The following PLXNB1 variants were observed in gnomAD, a reference collection of about 807,000 sequenced individuals.
PLXNB1 encodes the protein plexin-B1.
PLXNB1 carries 106 observed loss-of-function variants against 209.4 expected under a neutral mutation model. The ratio of observed to expected loss-of-function variants is 0.51; its 90% CI spans 0.43 to 0.59. The LOEUF (loss-of-function observed/expected upper bound fraction) is 0.59. PLXNB1 is among the 20% of genes least tolerant of loss of function. PLXNB1 has a pLI of 0.00. For missense variants in PLXNB1, 2,357 were observed against 2,853.2 expected (o/e 0.83, Z 3.96); for synonymous variants, 1,167 against 1,183.2 (o/e 0.99, Z 0.28).
At position 48,415,599 on chromosome 3, in the gene PLXNB1, TG is replaced by T; in HGVS notation, c.3777del (p.Thr1260ProfsTer28). The T allele has an allele frequency of 6.3e-7, 1 of 1,581,954 alleles. No homozygotes were observed. The highest frequency in any genetic ancestry group is 8.6e-7 in the Non-Finnish European group (1 of 1,163,076). On this transcript the variant is annotated frameshift_variant, in exon 19 of 38. Transcript: ENST00000296440. LOFTEE classifies it high-confidence loss of function. The surrounding 1 kb of genome is among the most constrained non-coding windows in gnomAD (Gnocchi z 5.0). Reference protein sequence around the residue: ...TLDPNITSAGPTKSFLSGGRE... With the variant: ...TLDPNITSAGXTKSFLSGGRE... The stretch of plus-strand genomic sequence containing the variant: ...GCCCAACACCTGAGGAAGCTCTTGG[TG>T]GGGCCAGCAGAGGTGATGTTGGGGT...
At position 48,413,522 on chromosome 3, in the gene PLXNB1, A is replaced by T; in HGVS notation, c.4535+148T>A. On this transcript the variant is annotated intron_variant, in intron 23 of 37. Coordinates refer to ENST00000296440, the MANE Select transcript of PLXNB1 (RefSeq NM_001130082.3). The surrounding 1 kb of genome is among the most constrained non-coding windows in gnomAD (Gnocchi z 5.4). ...CACAGTGGCAAAGCTGAGTTGTTGAACAGAGACCACTTGGCCTGCAAAGCG... is the reference window on the plus strand; with the variant it reads ...CACAGTGGCAAAGCTGAGTTGTTGATCAGAGACCACTTGGCCTGCAAAGCG... 1 of 821,104 alleles carries T rather than the reference A, an allele frequency of 1.2e-6. No individual in the cohort carries two copies. The highest frequency in any genetic ancestry group is 1.9e-6 in the Non-Finnish European group (1 of 538,078). The allele number at this position is 821,104 out of a possible 1,614,324, so 50.9% of individuals were successfully genotyped here.
intron 26 of PLXNB1, 29 bp from the exon 27 acceptor site, chr3:48,412,333 G>A: frequency 6.2e-7 from 1 of 1,613,456 alleles, no homozygotes; most frequent in Non-Finnish European, 8.5e-7. Context: ...GGAGTGCCAG[G>A]GTCAGCAGGT....
At position 48,407,085 on chromosome 3, in the gene PLXNB1, G is replaced by A; in HGVS notation, c.6094C>T (p.Pro2032Ser). The change falls in exon 35 of 38, where the codon CCG becomes TCG. Residue 2032 changes from proline (P) to serine (S), a missense_variant. Physicochemically the swap from Pro to Ser is moderately conservative, Grantham distance 74 (BLOSUM62 -1). This residue lies in a region of PLXNB1 where 414 missense variants were observed against 520.5 expected (regional missense o/e 0.80). Coordinates refer to ENST00000296440, the MANE Select transcript of PLXNB1 (RefSeq NM_001130082.3). ...CGTGCATACAGAAGTTTGTTGATCG[G>A]GGAGTCCTGGACATAGCAGGAGGAC... ...LADHKLGRDS[P>S]INKLLYARDI... 6.2e-7 allele frequency: 1 copy of A among 1,614,016 alleles called. No homozygotes were observed. The highest frequency in any genetic ancestry group is 1.1e-5 in the South Asian group (1 of 91,074).
Position 48,418,828 on chromosome 3 carries a change from G to C in PLXNB1, c.2955+89C>G. ...GGCGACACGGTCAGAGCGTGGCTCT[G>C]GAAAGTGTGGTGCAGCCAGCTACAG... On this transcript the variant is annotated intron_variant, in intron 13 of 37. Coordinates refer to ENST00000296440, the MANE Select transcript of PLXNB1 (RefSeq NM_001130082.3). The surrounding 1 kb of genome is among the most constrained non-coding windows in gnomAD (Gnocchi z 6.6). The C allele has an allele frequency of 6.5e-7, 1 of 1,528,676 alleles. No homozygotes were observed. The highest frequency in any genetic ancestry group is 1.2e-5 in the South Asian group (1 of 86,938). 94.7% of individuals were successfully genotyped at this position (1,528,676 alleles called of 1,614,324 possible). A position where few individuals can be genotyped will look rare whatever the true frequency, so the allele number is the denominator to read the frequency against.
chr3:48,423,589 G>A lies in PLXNB1; in HGVS notation c.1023C>T (p.Tyr341=). ...RLANRTRDAC[Y]TREGRAEDGT... Reference sequence around the variant, plus strand: ...CATCCTCAGCACGACCCTCCCGGGTGTAGCAGGCATCTCGCGTGCGATTAG... The same window carrying A: ...CATCCTCAGCACGACCCTCCCGGGTATAGCAGGCATCTCGCGTGCGATTAG... Residue 341 remains tyrosine, a synonymous_variant, in exon 3 of 38, where the codon TAC becomes TAT. Coordinates refer to ENST00000296440, the MANE Select transcript of PLXNB1 (RefSeq NM_001130082.3). 1.2e-6 allele frequency: 2 copies of A among 1,614,238 alleles called. No individual in the cohort carries two copies. The highest frequency in any genetic ancestry group is 8.5e-7 in the Non-Finnish European group (1 of 1,180,044).
Position 48,419,444 on chromosome 3 carries a change from G to A in PLXNB1, c.2710-78C>T. 6.6e-7 allele frequency: 1 copy of A among 1,509,104 alleles called. No homozygotes were observed. The highest frequency in any genetic ancestry group is 8.9e-7 in the Non-Finnish European group (1 of 1,124,408). 93.5% of individuals were successfully genotyped at this position (1,509,104 alleles called of 1,614,324 possible). ...CCCTCTGCCTTGCCAGATTCCAGAGGCAAGGCCGGTGTGGGGCTGCAGACT... is the reference window on the plus strand; with the variant it reads ...CCCTCTGCCTTGCCAGATTCCAGAGACAAGGCCGGTGTGGGGCTGCAGACT... On this transcript the variant is annotated intron_variant, in intron 11 of 37. Transcript: ENST00000296440. The surrounding 1 kb of genome is among the most constrained non-coding windows in gnomAD (Gnocchi z 5.7).
In PLXNB1 at chr3:48,409,686, T is replaced by C. The variant is rs758527514; in HGVS notation, c.5824A>G (p.Ser1942Gly). Residue 1942 changes from serine to glycine, a missense_variant, in exon 33 of 38, where the codon AGC (serine) becomes GGC (glycine). Ser to Gly is a moderately conservative substitution (Grantham distance 56, BLOSUM62 0). Around this residue, in one of 7 missense-constraint regions of PLXNB1, gnomAD observed 414 missense variants for 520.5 expected, o/e 0.80. Coordinates refer to ENST00000296440, the MANE Select transcript of PLXNB1 (RefSeq NM_001130082.3). The surrounding 1 kb of genome is among the most constrained non-coding windows in gnomAD (Gnocchi z 5.8). The part of the protein sequence containing the change: ...FVDDLFQVIL[S>G]TSRPVPLAVK... ...GCGAGCGGCACGGGGCGGCTGGTGC[T>C]GAGAATCACCTGGAACAGGTCATCC... The C allele has an allele frequency of 4.4e-5, 71 of 1,613,776 alleles. No homozygotes were observed. Among genetic ancestry groups the C allele is most frequent in the Non-Finnish European group, 5.8e-5 (69 of 1,180,014 alleles).
rs111772538 is a variant in PLXNB1 at position 48,417,154 on chromosome 3, G to A, written c.3375-703C>T. Among the ~76,000 whole-genome samples the A allele has an allele frequency of 3.6e-3, 548 of 152,304 alleles. 2 individuals carry two copies. Among genetic ancestry groups the A allele is most frequent in the South Asian group, 7.7e-3 (37 of 4,820 alleles). On this transcript the variant is annotated intron_variant, in intron 16 of 37. Coordinates refer to ENST00000296440, the MANE Select transcript of PLXNB1 (RefSeq NM_001130082.3). The surrounding 1 kb of genome is among the most constrained non-coding windows in gnomAD (Gnocchi z 4.4). Reference sequence around the variant, plus strand: ...AACACTAACAGTCTAGATAGTCACCGTAAGTTCTCGGTCATAACACATTCA... The same window carrying A: ...AACACTAACAGTCTAGATAGTCACCATAAGTTCTCGGTCATAACACATTCA...
At position 48,413,765 on chromosome 3, in the gene PLXNB1, C is replaced by G; in HGVS notation, c.4440G>C (p.Glu1480Asp). The change falls in exon 23 of 38, where the codon GAG (glutamate) becomes GAC (aspartate). Residue 1480 changes from glutamate to aspartate, a missense_variant. Physicochemically the swap from Glu to Asp is conservative, Grantham distance 45. Coordinates refer to ENST00000296440, the MANE Select transcript of PLXNB1 (RefSeq NM_001130082.3). This position sits in a 1 kb window ranked among gnomAD's most constrained non-coding sequence, Gnocchi z 5.4. ...FSLGHVQYDG[E>D]SPGAFPVAAQ... ...CTGCCACAGGAAAAGCCCCAGGGCT[C>G]TCGCCGTCATACTGCACGTGACCCA... 1 of 1,613,900 alleles carries G rather than the reference C, an allele frequency of 6.2e-7. No individual in the cohort carries two copies.
chr3:48,419,496 T>G lies in PLXNB1; in HGVS notation c.2709+81A>C. The G allele has an allele frequency of 6.6e-7, 1 of 1,513,028 alleles. No homozygotes were observed. Among genetic ancestry groups the G allele is most frequent in the East Asian group, 2.3e-5 (1 of 43,406 alleles). 93.7% of individuals were successfully genotyped at this position (1,513,028 alleles called of 1,614,324 possible). On this transcript the variant is annotated intron_variant, in intron 11 of 37. Coordinates refer to ENST00000296440, the MANE Select transcript of PLXNB1 (RefSeq NM_001130082.3). This position sits in a 1 kb window ranked among gnomAD's most constrained non-coding sequence, Gnocchi z 5.7. Reference sequence around the variant, plus strand: ...CACCCTGCCCCTCACCTCCTCCCAGTGCAGAATCACAAGGCAAGCTAGGGG... The same window carrying G: ...CACCCTGCCCCTCACCTCCTCCCAGGGCAGAATCACAAGGCAAGCTAGGGG...
intron 25 of PLXNB1, 60 bp downstream of exon 25, chr3:48,412,682 A>T: frequency 6.2e-7 from 1 of 1,605,246 alleles, no homozygotes; most frequent in Non-Finnish European, 8.5e-7. Flanking sequence ...GGGCTCAGAA[A>T]CCATGCCCTG....
Position 48,406,497 on chromosome 3 carries a change from C to T in PLXNB1, c.6228+326G>A. On this transcript the variant is annotated intron_variant, in intron 36 of 37. Coordinates refer to ENST00000296440, the MANE Select transcript of PLXNB1 (RefSeq NM_001130082.3). This position sits in a 1 kb window ranked among gnomAD's most constrained non-coding sequence, Gnocchi z 4.4. ...GAGGTGAAGGGGACACCTGTGCCAC[C>T]AAGGGAAGCACAGCAGTGGGAAGAC... is the stretch of plus-strand genomic sequence containing the variant. The T allele has an allele frequency of 1.2e-6, 1 of 860,314 alleles. No individual in the cohort carries two copies. The highest frequency in any genetic ancestry group is 1.8e-5 in the African/African-American group (1 of 54,782). The allele number at this position is 860,314 out of a possible 1,614,324, so 53.3% of individuals were successfully genotyped here. A position where few individuals can be genotyped will look rare whatever the true frequency, so the allele number is the denominator to read the frequency against.
At position 48,406,695 on chromosome 3, in the gene PLXNB1, C is replaced by T; in HGVS notation, c.6228+128G>A. 1.4e-6 allele frequency: 2 copies of T among 1,443,436 alleles called. No homozygotes were observed. Among genetic ancestry groups the T allele is most frequent in the East Asian group, 2.5e-5 (1 of 39,788 alleles). The allele number at this position is 1,443,436 out of a possible 1,614,324, so 89.4% of individuals were successfully genotyped here. ...TTGGAACATTCTGCATTTATGTTTC[C>T]TGCCCCAACCAGCTCACAGGGCTGC... is the stretch of plus-strand genomic sequence containing the variant. On this transcript the variant is annotated intron_variant, in intron 36 of 37. Coordinates refer to ENST00000296440, the MANE Select transcript of PLXNB1 (RefSeq NM_001130082.3). This position sits in a 1 kb window ranked among gnomAD's most constrained non-coding sequence, Gnocchi z 4.4.
At position 48,406,428 on chromosome 3, in the gene PLXNB1, T is replaced by C. The variant is rs2037318770; in HGVS notation, c.6228+395A>G. 4.9e-6 allele frequency: 1 copy of C among 205,388 alleles called. No individual in the cohort carries two copies. Among genetic ancestry groups the C allele is most frequent in the Admixed American group, 6.5e-5 (1 of 15,348 alleles). 12.7% of individuals were successfully genotyped at this position (205,388 alleles called of 1,614,324 possible). A position where few individuals can be genotyped will look rare whatever the true frequency, so the allele number is the denominator to read the frequency against. ...ATCAACATTTCAGAAACATTGTTCA[T>C]AAACTCCCTGGAGTTACATTTTAGG... On this transcript the variant is annotated intron_variant, in intron 36 of 37. Coordinates refer to ENST00000296440, the MANE Select transcript of PLXNB1 (RefSeq NM_001130082.3). The surrounding 1 kb of genome is among the most constrained non-coding windows in gnomAD (Gnocchi z 4.4).
At position 48,416,699 on chromosome 3, in the gene PLXNB1, A is replaced by AATT. The variant is rs1387357288; in HGVS notation, c.3375-251_3375-249dup. ...ACCCCAGGGGCCCCCAATAAGGAAGAATTTATCTGTGGCATAAATTTACAA... is the reference window on the plus strand; with the variant it reads ...ACCCCAGGGGCCCCCAATAAGGAAGAATTATTTATCTGTGGCATAAATTTACAA... On this transcript the variant is annotated intron_variant, in intron 16 of 37. Transcript: ENST00000296440. The surrounding 1 kb of genome is among the most constrained non-coding windows in gnomAD (Gnocchi z 4.1). 19 of 364,176 alleles carry AATT rather than the reference A, an allele frequency of 5.2e-5. No individual in the cohort carries two copies. In the South Asian group the frequency reaches 1.5e-3, roughly 29 times the overall value. The allele number at this position is 364,176 out of a possible 1,614,324, so 22.6% of individuals were successfully genotyped here.
chr3:48,412,993 T>A (rs1202330359), intron 24 of PLXNB1, 34 bp from the exon 25 acceptor site: 3 of 1,610,326 alleles, frequency 1.9e-6, no homozygotes, highest in Admixed American at 1.7e-5. Context: ...TAAGCACCTG[T>A]TAAGCACCAA....
At chr3:48,426,078 A>G (rs551677124) in intron 1 of PLXNB1, among the ~76,000 whole-genome samples, 2 of 152,250 alleles carry the variant, frequency 1.3e-5, no homozygotes, top group African/African-American at 4.8e-5. Context: ...TTGGAGCCCT[A>G]CGTACTAGAG....
chr3:48,403,874 T>A lies in PLXNB1; in HGVS notation c.*612A>T, dbSNP rs1425273844. On this transcript the variant is annotated 3_prime_UTR_variant, in exon 38 of 38. Coordinates refer to ENST00000296440, the MANE Select transcript of PLXNB1 (RefSeq NM_001130082.3). ...CTCAGTGCAGTGTGTTATCCTTTAA[T>A]GAAAAGCTGGGTCAATGGAGTCACC... is the stretch of plus-strand genomic sequence containing the variant. 1 of 152,884 alleles carries A rather than the reference T, an allele frequency of 6.5e-6. No homozygotes were observed. The highest frequency in any genetic ancestry group is 1.5e-5 in the Non-Finnish European group (1 of 68,292). The allele number at this position is 152,884 out of a possible 1,614,324, so 9.5% of individuals were successfully genotyped here. A position where few individuals can be genotyped will look rare whatever the true frequency, so the allele number is the denominator to read the frequency against.
chr3:48,406,037 G>A lies in PLXNB1; in HGVS notation c.6229-239C>T, dbSNP rs879544250. The A allele has an allele frequency of 3.3e-5, 15 of 457,324 alleles. No individual in the cohort carries two copies. The highest frequency in any genetic ancestry group is 4.9e-5 in the Non-Finnish European group (12 of 246,326). The allele number at this position is 457,324 out of a possible 1,614,324, so 28.3% of individuals were successfully genotyped here. On this transcript the variant is annotated intron_variant, in intron 36 of 37. Transcript: ENST00000296440. This position sits in a 1 kb window ranked among gnomAD's most constrained non-coding sequence, Gnocchi z 4.4. ...CCTCCTTGGTAGGAAGACAGCCCAG[G>A]TCTACCTGCTTCAGCAAGGTCTGGG... is the stretch of plus-strand genomic sequence containing the variant.
Sources: gnomAD v4.1 joint callset for allele counts (sites outside exome capture counted in the v4.1 genomes callset) on GRCh38, gnomAD v4.1.1 for gene constraint, gnomAD v4.1.1 regional missense constraint, Gnocchi (gnomAD v3.1) non-coding constraint, MANE v1.5 for transcripts, NCBI Gene and HGNC (gene_info 2026-07-23, HGNC 2026-07-21) for gene names.